The following RBFOX1 variants were observed in gnomAD, a reference collection of about 807,000 sequenced individuals.
The protein encoded by RBFOX1 is RNA binding fox-1 homolog 1.
Under a neutral mutation model 57.7 loss-of-function variants are expected in RBFOX1, and 8 were observed. The ratio of observed to expected loss-of-function variants is 0.14; its 90% confidence interval spans 0.08 to 0.25. The LOEUF is 0.25. Among genes scored for constraint, RBFOX1 ranks in the 10% least tolerant of loss-of-function variants. The pLI is 1.00. For synonymous variants in RBFOX1, 326 were observed against 222.4 expected, an observed-to-expected ratio of 1.47 and a Z score of -4.15; for missense variants, 611 against 548.5, an observed-to-expected ratio of 1.11 and a Z score of -1.14.
At chr16:5,250,309 GGTTT>G (rs34104061) in intron 1 of RBFOX1, among the ~76,000 whole-genome samples, 53,514 of 151,538 alleles carry the variant, frequency 0.35, 9,485 homozygotes, top group African/African-American at 0.39. Flanking sequence ...AGAATGTGCA[GGTTT>G]GTTACATAGG....
intron 4 of RBFOX1, among the ~76,000 whole-genome samples, chr16:7,410,404 G>A (rs975670753): frequency 6.6e-6 from 1 of 152,220 alleles, no homozygotes; most frequent in African/African-American, 2.4e-5. Context: ...AGCCTCGGCT[G>A]AGCGTGATGG....
chr16:6,274,572 A>G (rs1234718134), intron 1 of RBFOX1, among the ~76,000 whole-genome samples: 3 of 152,314 alleles, frequency 2.0e-5, no homozygotes, highest in African/African-American at 4.8e-5. Context: ...ATGAAAGGGC[A>G]ACATGAAGGA....
At chr16:6,132,643 G>A (rs146009575) in intron 1 of RBFOX1, among the ~76,000 whole-genome samples, 204 of 152,260 alleles carry the variant, frequency 1.3e-3, no homozygotes, top group African/African-American at 4.6e-3. Context: ...AAGGTGGCAT[G>A]GACTGTGAGT....
chr16:7,368,443 T>G (rs2097504341), intron 4 of RBFOX1, among the ~76,000 whole-genome samples: 2 of 151,998 alleles, frequency 1.3e-5, no homozygotes, highest in African/African-American at 4.8e-5. Flanking sequence ...TTAAAAAGTT[T>G]TCTTGGAGGT....
intron 3 of RBFOX1, among the ~76,000 whole-genome samples, chr16:6,931,523 GA>G (rs1423027975): frequency 6.6e-6 from 1 of 152,086 alleles, no homozygotes; most frequent in East Asian, 1.9e-4. Context: ...TAAGGCTGGG[GA>G]CATCTTGCCA....
intron 4 of RBFOX1, among the ~76,000 whole-genome samples, chr16:5,907,800 G>C (rs1260353263): frequency 6.6e-6 from 1 of 151,682 alleles, no homozygotes; most frequent in Non-Finnish European, 1.5e-5. Flanking sequence ...GCCCAGGCTG[G>C]AGTGTAGTGG....
At chr16:7,682,561 A>G (rs1016262558) in intron 14 of RBFOX1, among the ~76,000 whole-genome samples, 16 of 149,108 alleles carry the variant, frequency 1.1e-4, no homozygotes, top group African/African-American at 3.9e-4. Flanking sequence ...TTTTTTTTTA[A>G]TCTTTTATTT....
intron 4 of RBFOX1, among the ~76,000 whole-genome samples, chr16:5,898,049 T>C (rs958343757): frequency 6.6e-6 from 1 of 152,140 alleles, no homozygotes; most frequent in Non-Finnish European, 1.5e-5. Flanking sequence ...CGGTTCTTCT[T>C]GACTGGGTAG....
intron 1 of RBFOX1, among the ~76,000 whole-genome samples, chr16:5,316,168 C>A (rs1031371271): frequency 3.3e-5 from 5 of 152,212 alleles, no homozygotes; most frequent in African/African-American, 9.6e-5. Context: ...CCTCCTTTAC[C>A]TAGTTAACTC....
intron 5 of RBFOX1, among the ~76,000 whole-genome samples, chr16:7,572,559 G>C (rs997488268): frequency 1.4e-4 from 22 of 152,156 alleles, no homozygotes; most frequent in Non-Finnish European, 2.6e-4. Flanking sequence ...ATAATAATAG[G>C]CTGGGCGCGG....
chr16:5,813,548 G>A (rs1263229851), intron 3 of RBFOX1, among the ~76,000 whole-genome samples: 1 of 152,196 alleles, frequency 6.6e-6, no homozygotes, highest in Non-Finnish European at 1.5e-5. Context: ...ACTGCAAGAA[G>A]CCAGGCATAA....
chr16:7,658,338 G>GCAA (rs1390839584), intron 12 of RBFOX1, among the ~76,000 whole-genome samples: 3 of 152,136 alleles, frequency 2.0e-5, no homozygotes, highest in African/African-American at 7.2e-5. Flanking sequence ...TGAGGCACTT[G>GCAA]CATTGCTTAT....
intron 4 of RBFOX1, among the ~76,000 whole-genome samples, chr16:7,217,973 C>A (rs879558074): frequency 1.3e-5 from 2 of 149,274 alleles, no homozygotes; most frequent in African/African-American, 4.9e-5. Flanking sequence ...CCTGTGTCTG[C>A]GTGTGTGCAT....
At chr16:5,321,958 C>G (rs1252597078) in intron 1 of RBFOX1, among the ~76,000 whole-genome samples, 1 of 152,164 alleles carries the variant, frequency 6.6e-6, no homozygotes, top group Non-Finnish European at 1.5e-5. Context: ...GTGTCCTTTA[C>G]AGACTCCCTC....
chr16:5,980,155 T>C (rs2060143705), intron 4 of RBFOX1, among the ~76,000 whole-genome samples: 1 of 152,212 alleles, frequency 6.6e-6, no homozygotes, highest in Non-Finnish European at 1.5e-5. Context: ...CATAAACAAT[T>C]CTGTTTATTT....
chr16:6,455,262 T>G (rs2094741249), intron 2 of RBFOX1, among the ~76,000 whole-genome samples: 1 of 152,068 alleles, frequency 6.6e-6, no homozygotes, highest in Non-Finnish European at 1.5e-5. Context: ...GAATCTTCAG[T>G]CTACTGGTGT....
chr16:5,886,606 G>C (rs575827086), intron 4 of RBFOX1, among the ~76,000 whole-genome samples: 2 of 152,288 alleles, frequency 1.3e-5, no homozygotes, highest in Admixed American at 6.5e-5. Context: ...TCGTCTCTTT[G>C]GCTGGGCGCG....
Position 6,697,918 on chromosome 16 carries a change from C to T in RBFOX1, c.-16+43268C>T, listed in dbSNP as rs568952483. On this transcript the variant is annotated intron_variant, in intron 3 of 15. Coordinates refer to ENST00000550418, the MANE Select transcript of RBFOX1 (RefSeq NM_018723.4). The stretch of plus-strand genomic sequence containing the variant: ...GATGTGGCCAGAAGACCAAAAGTCT[C>T]TTTTTTTAAAACATCTGTTCTATTA... 2.0e-5 allele frequency among the ~76,000 whole-genome samples: 3 copies of T among 152,090 alleles called. No homozygotes were observed. In the East Asian group the frequency reaches 5.8e-4, roughly 29 times the overall value.
intron 4 of RBFOX1, among the ~76,000 whole-genome samples, chr16:5,981,005 C>T (rs2060161745): frequency 1.3e-5 from 2 of 152,200 alleles, no homozygotes; most frequent in South Asian, 4.1e-4. Flanking sequence ...GCCTGCCTCC[C>T]TGGGAGCTCA....
Sources: gnomAD v4.1 joint callset for allele counts (sites outside exome capture counted in the v4.1 genomes callset) on GRCh38, gnomAD v4.1.1 for gene constraint, MANE v1.5 for transcripts, NCBI Gene and HGNC (gene_info 2026-07-23, HGNC 2026-07-21) for gene names.